BIRC6: variants seen among roughly 807,000 people sequenced by gnomAD.
BIRC6 encodes the protein baculoviral IAP repeat containing 6.
In BIRC6, 98 loss-of-function variants were observed where a neutral mutation model predicts 503.3. That is an observed-to-expected ratio of 0.19 (90% CI 0.17 to 0.23). BIRC6 has a LOEUF of 0.23. Among genes scored for constraint, BIRC6 ranks in the 10% least tolerant of loss-of-function variants. The pLI is 1.00. For missense variants in BIRC6, 5,360 were observed against 5,806.0 expected, an observed-to-expected ratio of 0.92 and a Z score of 2.50; for synonymous variants, 2,240 against 2,078.7, an observed-to-expected ratio of 1.08 and a Z score of -2.11.
chr2:32,555,966 A>G (rs956396737), intron 65 of BIRC6, among the ~76,000 whole-genome samples: 1 of 151,528 alleles, frequency 6.6e-6, no homozygotes, highest in African/African-American at 2.4e-5. Context: ...TTTTTAGCCC[A>G]AAGTATATTT....
chr2:32,516,032 CA>C (rs1285978560), intron 55 of BIRC6, among the ~76,000 whole-genome samples: 1 of 152,066 alleles, frequency 6.6e-6, no homozygotes, highest in East Asian at 1.9e-4. Flanking sequence ...TTTCTACAAA[CA>C]AAAAGAAAAA....
At chr2:32,540,726 T>A (rs1390056850) in intron 61 of BIRC6, among the ~76,000 whole-genome samples, 1 of 152,026 alleles carries the variant, frequency 6.6e-6, no homozygotes, top group Admixed American at 6.5e-5. Flanking sequence ...ATTTTGAAAT[T>A]AATCTTTGTT....
intron 49 of BIRC6, 60 bp from the exon 50 acceptor site, chr2:32,504,945 T>G: frequency 7.1e-7 from 1 of 1,407,278 alleles, no homozygotes; most frequent in Non-Finnish European, 9.8e-7. Flanking sequence ...GTATAGATTT[T>G]AAAGCTTTAT....
intron 61 of BIRC6, among the ~76,000 whole-genome samples, chr2:32,537,103 A>G (rs780179257): frequency 1.1e-4 from 16 of 152,156 alleles, no homozygotes; most frequent in Non-Finnish European, 2.1e-4. Flanking sequence ...ATTTTTACAC[A>G]TTGATTTTGT....
At chr2:32,498,309 C>G (rs2052732603) in intron 45 of BIRC6, among the ~76,000 whole-genome samples, 1 of 152,174 alleles carries the variant, frequency 6.6e-6, no homozygotes, top group Non-Finnish European at 1.5e-5. Context: ...AAGCAATCCA[C>G]CCGTGTCACT....
rs1559013913 is a variant in BIRC6 at position 32,542,135 on chromosome 2, T to TG, written c.12292-1106_12292-1105insG. On this transcript the variant is annotated intron_variant, in intron 61 of 73. Coordinates refer to ENST00000421745, the MANE Select transcript of BIRC6 (RefSeq NM_016252.4). ...TTATGTCTATATATATATATATATT[T>TG]ACACATGTATACATACATGTATTTT... 2.1e-4 allele frequency among the ~76,000 whole-genome samples: 32 copies of TG among 151,966 alleles called. No individual in the cohort carries two copies. In the Middle Eastern group the frequency reaches 0.01, roughly 48 times the overall value.
At chr2:32,529,498 T>C in intron 59 of BIRC6, 153 bp from the exon 60 acceptor site, 3 of 652,730 alleles carry the variant, frequency 4.6e-6, no homozygotes, top group Non-Finnish European at 2.4e-6. Context: ...TCACTTTTTG[T>C]AAACTTTCCA....
intron 8 of BIRC6, among the ~76,000 whole-genome samples, chr2:32,405,572 C>A (rs372926957): frequency 6.6e-6 from 1 of 152,078 alleles, no homozygotes; most frequent in South Asian, 2.1e-4. Flanking sequence ...TTTGGGAGAC[C>A]GAGGCGGGAG....
rs370920551 is a variant in BIRC6, at chr2:32,515,513, A to G, written c.11092A>G (p.Ile3698Val). 15 of 1,613,840 alleles carry G rather than the reference A, an allele frequency of 9.3e-6. No individual in the cohort carries two copies. The East Asian group carries it at 1.6e-4, about 17-fold the overall frequency. ...RFLTEVGNSHIMKDWLGGSEV... is the reference protein window; with the variant it reads ...RFLTEVGNSHVMKDWLGGSEV... Reference sequence around the variant, plus strand: ...TTTGACAGAAGTTGGCAATAGCCATATTATGAAAGATTGGCTTGGTGGTTC... The same window carrying G: ...TTTGACAGAAGTTGGCAATAGCCATGTTATGAAAGATTGGCTTGGTGGTTC... Residue 3698 changes from isoleucine to valine, a missense_variant, in exon 55 of 74, where the codon ATT becomes GTT. Ile to Val is a conservative substitution (Grantham distance 29). This residue lies in a region of BIRC6 where 878 missense variants were observed against 928.9 expected (regional missense o/e 0.95). Coordinates refer to ENST00000421745, the MANE Select transcript of BIRC6 (RefSeq NM_016252.4).
Position 32,583,253 on chromosome 2 carries a change from G to A in BIRC6, c.13355+7887G>A, listed in dbSNP as rs776575303. 4.4e-4 allele frequency among the ~76,000 whole-genome samples: 67 copies of A among 152,342 alleles called. 2 individuals are homozygous for A. Among genetic ancestry groups the A allele is most frequent in the African/African-American group, 2.4e-4 (10 of 41,584 alleles). On this transcript the variant is annotated intron_variant, in intron 66 of 73. Coordinates refer to ENST00000421745, the MANE Select transcript of BIRC6 (RefSeq NM_016252.4). ...TTGAAAGTTGACAATTCTTTAGGCA[G>A]TTGTTGGGTATTCACTGTACAGATT...
Position 32,488,720 on chromosome 2 carries a change from A to G in BIRC6, c.8095+6A>G, listed in dbSNP as rs2051303060. On this transcript the variant is annotated splice_donor_region_variant and intron_variant, in intron 42 of 73. Transcript: ENST00000421745. ...TGTTATTTCATTAAATCAAGGTAAG[A>G]TTTATTAGGAGAAAAACATTATAGT... 7.3e-7 allele frequency: 1 copy of G among 1,370,908 alleles called. No individual in the cohort carries two copies. Among genetic ancestry groups the G allele is most frequent in the Admixed American group, 2.6e-5 (1 of 38,264 alleles). 84.9% of individuals were successfully genotyped at this position (1,370,908 alleles called of 1,614,324 possible). A position where few individuals can be genotyped will look rare whatever the true frequency, so the allele number is the denominator to read the frequency against.
At chr2:32,587,081 A>G (rs1481557976) in intron 66 of BIRC6, among the ~76,000 whole-genome samples, 1 of 152,186 alleles carries the variant, frequency 6.6e-6, no homozygotes, top group African/African-American at 2.4e-5. Context: ...TCTAATATTT[A>G]GGATATTTAA....
intron 15 of BIRC6, among the ~76,000 whole-genome samples, chr2:32,439,197 A>C (rs1033750): frequency 6.6e-6 from 1 of 151,100 alleles, no homozygotes; most frequent in Non-Finnish European, 1.5e-5. Context: ...GTGCGTGTGT[A>C]TGTGTGTGTG....
chr2:32,388,827 A>T lies in BIRC6; in HGVS notation c.723A>T (p.Lys241Asn), dbSNP rs1389379506. Reference sequence around the variant, plus strand: ...GTGCCATTGTAAATGAACTCAAGAAAATAAATCAAAATGTTGCTGCCTTAC... The same window carrying T: ...GTGCCATTGTAAATGAACTCAAGAATATAAATCAAAATGTTGCTGCCTTAC... ...IASAIVNELK[K>N]INQNVAALPV... The change falls in exon 4 of 74, where the codon AAA becomes AAT. Residue 241 changes from lysine to asparagine, a missense_variant. Transcript: ENST00000421745. The T allele has an allele frequency of 6.2e-7, 1 of 1,613,300 alleles. No individual in the cohort carries two copies. The highest frequency in any genetic ancestry group is 2.2e-5 in the East Asian group (1 of 44,876).
chr2:32,590,728 T>A, intron 66 of BIRC6: 1 of 945,328 alleles, frequency 1.1e-6, no homozygotes, highest in Non-Finnish European at 1.3e-6. Flanking sequence ...TAGTTGGAAT[T>A]CACAGCATAG....
In BIRC6 at chr2:32,357,313, G is replaced by T. The variant is rs771823766; in HGVS notation, c.152G>T (p.Gly51Val). 9 of 1,528,808 alleles carry T rather than the reference G, an allele frequency of 5.9e-6. No homozygotes were observed. In the South Asian group the frequency reaches 9.7e-5, roughly 16 times the overall value. 94.7% of individuals were successfully genotyped at this position (1,528,808 alleles called of 1,614,324 possible). A position where few individuals can be genotyped will look rare whatever the true frequency, so the allele number is the denominator to read the frequency against. ...TCGGCGGCGGGGGCGGGGGCGGCCGGGGTCTCAGAGTGGCTGGTGCTGCGG... is the reference window on the plus strand; with the variant it reads ...TCGGCGGCGGGGGCGGGGGCGGCCGTGGTCTCAGAGTGGCTGGTGCTGCGG... ...CSSAAGAGAA[G>V]VSEWLVLRDG... is the part of the protein sequence containing the mutation. Residue 51 changes from glycine (G) to valine (V), a missense_variant, in exon 1 of 74, where the codon GGG becomes GTG. Physicochemically the swap from Gly to Val is moderately radical, Grantham distance 109 (BLOSUM62 -3). Around this residue, in one of 16 missense-constraint regions of BIRC6, gnomAD observed 145 missense variants for 106.9 expected, o/e 1.36. Coordinates refer to ENST00000421745, the MANE Select transcript of BIRC6 (RefSeq NM_016252.4). This position sits in a 1 kb window ranked among gnomAD's most constrained non-coding sequence, Gnocchi z 4.9.
intron 23 of BIRC6, 149 bp from the exon 24 acceptor site, chr2:32,463,045 T>G: frequency 1.7e-6 from 1 of 588,140 alleles, no homozygotes; most frequent in South Asian, 2.7e-5. Context: ...GTTTCCTTAT[T>G]TATACTTTCC....
intron 65 of BIRC6, among the ~76,000 whole-genome samples, chr2:32,568,848 A>G (rs2059722930): frequency 6.6e-6 from 1 of 152,044 alleles, no homozygotes; most frequent in Non-Finnish European, 1.5e-5. Context: ...CAGTCTCAAA[A>G]AAAAAAAAAG....
chr2:32,454,041 A>G (rs1278885739), intron 23 of BIRC6, 99 bp downstream of exon 23: 2 of 1,041,294 alleles, frequency 1.9e-6, no homozygotes, highest in East Asian at 2.9e-5. Context: ...TGTAATTTTC[A>G]TTGCTGTTAA....
Sources: gnomAD v4.1 joint callset for allele counts (sites outside exome capture counted in the v4.1 genomes callset) on GRCh38, gnomAD v4.1.1 for gene constraint, gnomAD v4.1.1 regional missense constraint, Gnocchi (gnomAD v3.1) non-coding constraint, MANE v1.5 for transcripts, NCBI Gene and HGNC (gene_info 2026-07-23, HGNC 2026-07-21) for gene names.